The following NFIC variants were observed in gnomAD, a reference collection of about 807,000 sequenced individuals.
NFIC encodes nuclear factor I C, also known as nuclear factor 1 C-type.
NFIC carries 12 observed loss-of-function variants against 54.4 expected under a neutral mutation model. That is an observed-to-expected ratio of 0.22 (90% confidence interval 0.14 to 0.36). The LOEUF is 0.36. Among genes scored for constraint, NFIC ranks in the 10% least tolerant of loss-of-function variants. The probability of loss-of-function intolerance (pLI) is 1.00; values close to 1 mark genes in which losing one functional copy is unlikely to be tolerated. For missense variants in NFIC, 575 were observed against 718.2 expected (o/e 0.80, Z 2.28); for synonymous variants, 322 against 319.2 (o/e 1.01, Z -0.09).
chr19:3,443,077 C>G (rs1179990552), intron 6 of NFIC, among the ~76,000 whole-genome samples: 1 of 152,128 alleles, frequency 6.6e-6, no homozygotes, highest in Non-Finnish European at 1.5e-5. Context: ...AGCCCCTCCC[C>G]AGGGAACGAG....
At chr19:3,462,722 C>A in intron 10 of NFIC, 30 bp from the exon 11 acceptor site, 1 of 1,612,628 alleles carries the variant, frequency 6.2e-7, no homozygotes, top group Non-Finnish European at 8.5e-7. Flanking sequence ...TTTTCTCTCT[C>A]CCTCTTTCTG....
At chr19:3,360,916 G>T (rs879272329) in intron 1 of NFIC, among the ~76,000 whole-genome samples, 30 of 152,200 alleles carry the variant, frequency 2.0e-4, no homozygotes, top group Non-Finnish European at 3.7e-4. Flanking sequence ...CGCTTGCTGT[G>T]TGCGAGTGAC....
At chr19:3,429,330 G>A (rs577309530) in intron 3 of NFIC, among the ~76,000 whole-genome samples, 12 of 144,320 alleles carry the variant, frequency 8.3e-5, no homozygotes, top group Non-Finnish European at 1.2e-4. Flanking sequence ...TGTAATCCCA[G>A]CTACTTGGGA....
chr19:3,364,468 G>A (rs1022771516), upstream of NFIC, among the ~76,000 whole-genome samples: 1 of 152,152 alleles, frequency 6.6e-6, no homozygotes, highest in African/African-American at 2.4e-5. Context: ...CCAACTGTGT[G>A]TGCTGCGGGG....
At chr19:3,359,632 G>T, upstream of NFIC, 1 of 1,331,780 alleles carries the variant, frequency 7.5e-7, no homozygotes, top group Non-Finnish European at 9.7e-7. Context: ...CCCTCGCCGG[G>T]GACCGAGCGC....
chr19:3,425,083 G>C, intron 2 of NFIC, 23 bp from the exon 3 acceptor site: 1 of 1,612,724 alleles, frequency 6.2e-7, no homozygotes, highest in Non-Finnish European at 8.5e-7. Flanking sequence ...GATGCCACCA[G>C]TGTTTCTTCC....
At chr19:3,454,039 G>A in intron 9 of NFIC, 123 bp downstream of exon 9, 1 of 1,383,538 alleles carries the variant, frequency 7.2e-7, no homozygotes, top group Non-Finnish European at 9.3e-7. Flanking sequence ...GAGTTTGGTG[G>A]GTCTCCGGAA....
intron 2 of NFIC, among the ~76,000 whole-genome samples, chr19:3,397,519 G>T (rs147577531): frequency 6.6e-6 from 1 of 152,144 alleles, no homozygotes; most frequent in African/African-American, 2.4e-5. Context: ...CTGAGGTCGG[G>T]TGTCTCTGTG....
chr19:3,454,176 C>T (rs1486032628), intron 9 of NFIC: 3 of 1,258,174 alleles, frequency 2.4e-6, no homozygotes, highest in Non-Finnish European at 3.0e-6. Flanking sequence ...CCTGGGGGAC[C>T]CCGGTGCCCG....
rs1490524764 is a variant in NFIC, at chr19:3,382,118, C to T, written c.437C>T (p.Thr146Ile). 6.2e-7 allele frequency: 1 copy of T among 1,613,352 alleles called. No homozygotes were observed. The highest frequency in any genetic ancestry group is 1.1e-5 in the South Asian group (1 of 91,086). The change falls in exon 2 of 11, where the codon ACC becomes ATC. Residue 146 changes from threonine to isoleucine, a missense_variant. Thr to Ile is a moderately conservative substitution (Grantham distance 89). This residue lies in a region of NFIC where 447 missense variants were observed against 526.9 expected (regional missense o/e 0.85). Coordinates refer to ENST00000443272, the MANE Select transcript of NFIC (RefSeq NM_001245002.2). ...ILFKGIPLESTDGERLVKAAQ... is the reference protein window; with the variant it reads ...ILFKGIPLESIDGERLVKAAQ... ...TTCAAGGGCATCCCGCTGGAGAGCA[C>T]CGACGGCGAGCGCCTGGTCAAGGCT... is the stretch of plus-strand genomic sequence containing the variant.
At chr19:3,420,470 G>A (rs1047677157) in intron 2 of NFIC, among the ~76,000 whole-genome samples, 3 of 151,904 alleles carry the variant, frequency 2.0e-5, no homozygotes, top group African/African-American at 4.8e-5. Flanking sequence ...GCTTGAGCCC[G>A]GGAGGCGGAG....
intron 1 of NFIC, among the ~76,000 whole-genome samples, chr19:3,372,705 A>AGGG (rs1555739429): frequency 1.2e-5 from 1 of 85,760 alleles, no homozygotes; most frequent in Non-Finnish European, 2.3e-5. Flanking sequence ...GGGGCCCAGG[A>AGGG]GTGGGGTGGG....
chr19:3,419,774 G>A (rs2081923748), intron 2 of NFIC, among the ~76,000 whole-genome samples: 1 of 149,818 alleles, frequency 6.7e-6, no homozygotes, highest in African/African-American at 2.5e-5. Context: ...ACTCCAGCCT[G>A]GGCGACACAG....
chr19:3,392,033 G>A (rs1489079710), intron 2 of NFIC, among the ~76,000 whole-genome samples: 4 of 151,588 alleles, frequency 2.6e-5, no homozygotes, highest in Non-Finnish European at 4.4e-5. Context: ...ATTGAGCATA[G>A]GGGGTGCCTA....
At chr19:3,414,003 G>A (rs1791925166) in intron 2 of NFIC, among the ~76,000 whole-genome samples, 1 of 152,064 alleles carries the variant, frequency 6.6e-6, no homozygotes, top group South Asian at 2.1e-4. Context: ...CGAGAGGAGG[G>A]ATTCTTGTCT....
intron 3 of NFIC, among the ~76,000 whole-genome samples, chr19:3,429,608 A>T (rs1334428008): frequency 6.6e-6 from 1 of 152,070 alleles, no homozygotes; most frequent in Admixed American, 6.6e-5. Flanking sequence ...GAAAGATTGT[A>T]ACAGGGGGAC....
At chr19:3,429,675 G>A (rs571185771) in intron 3 of NFIC, among the ~76,000 whole-genome samples, 1 of 152,302 alleles carries the variant, frequency 6.6e-6, no homozygotes, top group South Asian at 2.1e-4. Flanking sequence ...TGCAGTCCGT[G>A]CTGCCCCCTG....
intron 1 of NFIC, among the ~76,000 whole-genome samples, chr19:3,368,879 GTCTT>G (rs1394659953): frequency 1.3e-5 from 2 of 150,932 alleles, no homozygotes; most frequent in Non-Finnish European, 2.9e-5. Context: ...CTTTTTGTCT[GTCTT>G]TCTCTCTTTC....
chr19:3,431,970 C>G (rs946095089), intron 3 of NFIC, among the ~76,000 whole-genome samples: 3 of 152,206 alleles, frequency 2.0e-5, no homozygotes, highest in Non-Finnish European at 4.4e-5. Flanking sequence ...TGGCTGCTGT[C>G]TGTCGCTCAC....
Sources: allele counts gnomAD v4.1 joint callset (sites outside exome capture counted in the v4.1 genomes callset), GRCh38; gene constraint gnomAD v4.1.1; regional missense constraint gnomAD v4.1.1; transcripts MANE v1.5; gene names NCBI Gene and HGNC (gene_info 2026-07-23, HGNC 2026-07-21).